Variants in SUCLG2 observed in about 807,000 individuals in gnomAD.
The protein encoded by SUCLG2 is succinate--CoA ligase [GDP-forming] subunit beta, mitochondrial.
SUCLG2 carries 42 observed loss-of-function variants against 47.9 expected under a neutral mutation model. The ratio of observed to expected loss-of-function variants is 0.88; its 90% CI spans 0.69 to 1.14. The LOEUF (loss-of-function observed/expected upper bound fraction) is 1.14, where lower values mean the gene tolerates loss of function less well. Among genes scored for constraint, SUCLG2 ranks in the 50% most tolerant of loss-of-function variants. The probability of loss-of-function intolerance (pLI) is 0.00; values close to 1 mark genes in which losing one functional copy is unlikely to be tolerated. For synonymous variants in SUCLG2, 195 were observed against 197.3 expected, an observed-to-expected ratio of 0.99 and a Z score of 0.10; for missense variants, 571 against 525.9, an observed-to-expected ratio of 1.09 and a Z score of -0.84.
At chr3:67,410,485 C>A (rs1575677618) in intron 9 of SUCLG2, among the ~76,000 whole-genome samples, 1 of 152,150 alleles carries the variant, frequency 6.6e-6, no homozygotes, top group East Asian at 1.9e-4. Flanking sequence ...GGGAATAGCA[C>A]AAGCACAGTT....
At chr3:67,488,402 T>C (rs190053934) in intron 9 of SUCLG2, among the ~76,000 whole-genome samples, 11 of 152,252 alleles carry the variant, frequency 7.2e-5, no homozygotes, top group African/African-American at 2.6e-4. Flanking sequence ...ATTCACAGTA[T>C]CTGCAATCTC....
chr3:67,483,394 T>C (rs76583628), intron 9 of SUCLG2, among the ~76,000 whole-genome samples: 5,223 of 152,270 alleles, frequency 0.034, 152 homozygotes, highest in East Asian at 0.14. Context: ...GGAACGGCGA[T>C]GACATTTCTT....
chr3:67,413,368 T>C (rs906848070), intron 9 of SUCLG2, among the ~76,000 whole-genome samples: 2 of 152,190 alleles, frequency 1.3e-5, no homozygotes, highest in African/African-American at 4.8e-5. Flanking sequence ...TCAATAAGAC[T>C]GAATCCCCAT....
At chr3:67,477,425 T>C (rs552054046) in intron 9 of SUCLG2, among the ~76,000 whole-genome samples, 233 of 152,306 alleles carry the variant, frequency 1.5e-3, no homozygotes, top group African/African-American at 5.4e-3. Context: ...CTGGGTGTGG[T>C]TGCTCATGCC....
At chr3:67,530,581 G>A (rs1706376827) in intron 2 of SUCLG2, among the ~76,000 whole-genome samples, 1 of 152,196 alleles carries the variant, frequency 6.6e-6, no homozygotes, top group South Asian at 2.1e-4. Context: ...GGGAGCTACA[G>A]AAGTATTTTA....
intron 9 of SUCLG2, among the ~76,000 whole-genome samples, chr3:67,460,890 C>T (rs1323757569): frequency 1.3e-5 from 2 of 152,106 alleles, no homozygotes; most frequent in Non-Finnish European, 2.9e-5. Flanking sequence ...TGCAAACATT[C>T]TAGTGAGCAT....
intron 10 of SUCLG2, chr3:67,376,583 T>G (rs1385818246): frequency 1.2e-6 from 1 of 850,288 alleles, no homozygotes. Context: ...TTTTATCTAG[T>G]TGGCAAGACA....
downstream of SUCLG2, among the ~76,000 whole-genome samples, chr3:67,370,768 C>T (rs1188478419): frequency 6.6e-6 from 1 of 152,158 alleles, no homozygotes; most frequent in Admixed American, 6.6e-5. Context: ...TTGTACTGTA[C>T]TAATCTATTT....
At chr3:67,646,371 G>T (rs1197709239) in intron 1 of SUCLG2, among the ~76,000 whole-genome samples, 1 of 152,184 alleles carries the variant, frequency 6.6e-6, no homozygotes, top group African/African-American at 2.4e-5. Flanking sequence ...CAGGTGGGTG[G>T]ACCACCTGAG....
intron 1 of SUCLG2, among the ~76,000 whole-genome samples, chr3:67,649,112 C>G (rs774504827): frequency 6.6e-6 from 1 of 152,114 alleles, no homozygotes; most frequent in African/African-American, 2.4e-5. Flanking sequence ...GAAGAATCAA[C>G]GTTGAATCAG....
At chr3:67,526,618 T>C (rs1385672945) in intron 4 of SUCLG2, among the ~76,000 whole-genome samples, 1 of 152,138 alleles carries the variant, frequency 6.6e-6, no homozygotes, top group African/African-American at 2.4e-5. Flanking sequence ...CTTTAGCCAT[T>C]AGGGAAATGC....
intron 2 of SUCLG2, among the ~76,000 whole-genome samples, chr3:67,551,353 T>C (rs1038545844): frequency 4.6e-5 from 7 of 152,134 alleles, no homozygotes; most frequent in Admixed American, 1.3e-4. Context: ...GTTTTGATAG[T>C]TTGTTTTGAC....
chr3:67,412,005 GAA>G (rs1446678008), intron 9 of SUCLG2, among the ~76,000 whole-genome samples: 6 of 152,106 alleles, frequency 3.9e-5, no homozygotes, highest in Admixed American at 3.9e-4. Context: ...GAATCTTGTA[GAA>G]TTCATTCTAC....
At chr3:67,524,255 A>T (rs890843742) in intron 4 of SUCLG2, among the ~76,000 whole-genome samples, 1 of 152,324 alleles carries the variant, frequency 6.6e-6, no homozygotes, top group South Asian at 2.1e-4. Context: ...ATGTTGACAC[A>T]TCGTCTTTGT....
chr3:67,455,761 A>C (rs1704168428), intron 9 of SUCLG2, among the ~76,000 whole-genome samples: 2 of 152,112 alleles, frequency 1.3e-5, no homozygotes, highest in African/African-American at 2.4e-5. Context: ...TGAGGAATAA[A>C]GATTTTCAAA....
chr3:67,423,914 T>C (rs1057195623), intron 9 of SUCLG2, among the ~76,000 whole-genome samples: 25 of 152,310 alleles, frequency 1.6e-4, no homozygotes, highest in African/African-American at 5.8e-4. Flanking sequence ...ATAACAGGAC[T>C]GACACTGATA....
intron 7 of SUCLG2, 31 bp downstream of exon 7, chr3:67,508,776 A>G (rs762354598): frequency 1.3e-6 from 2 of 1,494,522 alleles, no homozygotes; most frequent in African/African-American, 2.8e-5. Context: ...TAATACATTC[A>G]TTTGTTTTCT....
In SUCLG2 at chr3:67,528,147, AC is replaced by A; in HGVS notation, c.401del (p.Gly134ValfsTer2). The A allele has an allele frequency of 6.2e-7, 1 of 1,613,772 alleles. No homozygotes were observed. Among genetic ancestry groups the A allele is most frequent in the Non-Finnish European group, 8.5e-7 (1 of 1,179,822 alleles). On this transcript the variant is annotated frameshift_variant, in exon 4 of 11. Coordinates refer to ENST00000307227, the MANE Select transcript of SUCLG2 (RefSeq NM_003848.4). LOFTEE classifies it high-confidence loss of function. Reference protein sequence around the residue: ...NLATKQTPKEGVKVNKVMVAE... With the variant: ...NLATKQTPKEXVKVNKVMVAE... ...TCCATATTACCTTGTTAACTTTCACACCTTCTTTTGGAGTTTGTTTTGTCGC... is the reference window on the plus strand; with the variant it reads ...TCCATATTACCTTGTTAACTTTCACACTTCTTTTGGAGTTTGTTTTGTCGC...
intron 2 of SUCLG2, among the ~76,000 whole-genome samples, chr3:67,546,199 G>C (rs1706858961): frequency 1.3e-5 from 2 of 152,094 alleles, no homozygotes; most frequent in South Asian, 4.1e-4. Flanking sequence ...ACTTCTTGGA[G>C]TAAAAGAATA....
Sources: allele counts gnomAD v4.1 joint callset (sites outside exome capture counted in the v4.1 genomes callset), GRCh38; gene constraint gnomAD v4.1.1; transcripts MANE v1.5; gene names NCBI Gene and HGNC (gene_info 2026-07-23, HGNC 2026-07-21).